BCKDHB: variants seen among roughly 807,000 people sequenced by gnomAD.
BCKDHB encodes branched chain keto acid dehydrogenase E1 subunit beta.
Under a neutral mutation model 48.5 loss-of-function variants are expected in BCKDHB, and 41 were observed. That is an observed-to-expected ratio of 0.85 (90% CI 0.66 to 1.10). The LOEUF (loss-of-function observed/expected upper bound fraction) is 1.10, where lower values mean the gene tolerates loss of function less well. Ranked by LOEUF, BCKDHB falls within the 50% of genes least tolerant of loss-of-function variation. The probability of loss-of-function intolerance (pLI) is 0.00; values close to 1 mark genes in which losing one functional copy is unlikely to be tolerated. For synonymous variants in BCKDHB, 201 were observed against 174.8 expected (o/e 1.15, Z -1.18); for missense variants, 496 against 494.2 (o/e 1.00, Z -0.03).
chr6:80,203,107 T>C lies in BCKDHB; in HGVS notation c.846T>C (p.His282=). 1.2e-6 allele frequency: 2 copies of C among 1,610,132 alleles called. No individual in the cohort carries two copies. The highest frequency in any genetic ancestry group is 2.2e-5 in the East Asian group (1 of 44,812). ...VTLVAWGTQV[H]VIREVASMAK... ...TATTTTTCTCTTTATTTCAGGTTCA[T>C]GTGATCCGAGAGGTAGCTTCCATGG... is the stretch of plus-strand genomic sequence containing the variant. Residue 282 remains histidine, a synonymous_variant, in exon 8 of 10, where the codon CAT becomes CAC. Transcript: ENST00000320393.
At position 80,309,540 on chromosome 6, in the gene BCKDHB, T is replaced by G. The variant is rs561000615; in HGVS notation, c.1039-34124T>G. ...CTTGTGTAATAATGACTTTGTTATT[T>G]TAACAAAAGAGTAAGTATTCATGTA... is the stretch of plus-strand genomic sequence containing the variant. On this transcript the variant is annotated intron_variant, in intron 9 of 9. Transcript: ENST00000320393. Among the ~76,000 whole-genome samples, 3 of 152,346 alleles carry G rather than the reference T, an allele frequency of 2.0e-5. No homozygotes were observed. In the East Asian group the frequency reaches 5.8e-4, roughly 29 times the overall value.
rs1469285323 is a variant in BCKDHB, at chr6:80,110,258, T to C, written c.196+3369T>C. 2.0e-5 allele frequency among the ~76,000 whole-genome samples: 3 copies of C among 152,240 alleles called. No homozygotes were observed. In the East Asian group the frequency reaches 5.8e-4, roughly 29 times the overall value. On this transcript the variant is annotated intron_variant, in intron 1 of 9. Transcript: ENST00000320393. ...TGAGTTTGTTTATTCAGTCATTCTC[T>C]GCATTTTTATTTTCTCCTGGATGCC...
At chr6:80,230,823 C>G (rs1057468285) in intron 8 of BCKDHB, among the ~76,000 whole-genome samples, 1 of 152,148 alleles carries the variant, frequency 6.6e-6, no homozygotes, top group Non-Finnish European at 1.5e-5. Context: ...AGAACCCACT[C>G]GTGATAAAGT....
At chr6:80,415,673 C>T in the BCKDHB span, among the ~76,000 whole-genome samples, 1 of 152,008 alleles carries the variant, frequency 6.6e-6, no homozygotes, top group Non-Finnish European at 1.5e-5. Context: ...TTCGCCAGGC[C>T]AGTATTTGAT....
At chr6:80,243,789 G>A (rs1319810463) in intron 8 of BCKDHB, among the ~76,000 whole-genome samples, 1 of 152,138 alleles carries the variant, frequency 6.6e-6, no homozygotes, top group Non-Finnish European at 1.5e-5. Context: ...TCCTTCTTCA[G>A]CCTCCCAAAG....
the BCKDHB span, among the ~76,000 whole-genome samples, chr6:80,393,552 G>A: frequency 6.6e-6 from 1 of 152,136 alleles, no homozygotes; most frequent in Non-Finnish European, 1.5e-5. Context: ...ATCTTGGACT[G>A]CTCAGCCTCC....
At position 80,168,906 on chromosome 6, in the gene BCKDHB, G is replaced by C. The variant is rs371518124; in HGVS notation, c.509G>C (p.Arg170Pro). The stretch of plus-strand genomic sequence containing the variant: ...AATGAAGCTGCCAAGTATCGCTATC[G>C]CTCTGGGGATCTTTTTAACTGTGGA... Reference protein sequence around the residue: ...IVNEAAKYRYRSGDLFNCGSL... With the variant: ...IVNEAAKYRYPSGDLFNCGSL... Residue 170 changes from arginine (R) to proline (P), a missense_variant, in exon 5 of 10, where the codon CGC (arginine) becomes CCC (proline). Coordinates refer to ENST00000320393, the MANE Select transcript of BCKDHB (RefSeq NM_183050.4). The C allele has an allele frequency of 4.3e-6, 7 of 1,613,930 alleles. No individual in the cohort carries two copies. The Admixed American group carries it at 1.2e-4, about 27-fold the overall frequency.
At chr6:80,231,822 G>A (rs953468858) in intron 8 of BCKDHB, among the ~76,000 whole-genome samples, 14 of 152,030 alleles carry the variant, frequency 9.2e-5, no homozygotes, top group East Asian at 1.9e-4. Flanking sequence ...AAAATTAGCC[G>A]GGCCTGGTGG....
intron 9 of BCKDHB, among the ~76,000 whole-genome samples, chr6:80,321,568 A>C (rs1453570637): frequency 6.6e-6 from 1 of 152,006 alleles, no homozygotes; most frequent in Non-Finnish European, 1.5e-5. Flanking sequence ...TTAAACCTAC[A>C]CCTGTTTATA....
chr6:80,200,033 C>T (rs1774313424), intron 6 of BCKDHB, among the ~76,000 whole-genome samples: 1 of 128,898 alleles, frequency 7.8e-6, no homozygotes, highest in South Asian at 2.4e-4. Flanking sequence ...CACTGCACTC[C>T]AGCCTGGGTG....
chr6:80,419,630 G>C, the BCKDHB span, among the ~76,000 whole-genome samples: 1 of 152,126 alleles, frequency 6.6e-6, no homozygotes, highest in East Asian at 1.9e-4. Context: ...TGTTTAAGCA[G>C]CCTCAACCAC....
the BCKDHB span, among the ~76,000 whole-genome samples, chr6:80,443,759 G>C: frequency 6.6e-6 from 1 of 152,046 alleles, no homozygotes; most frequent in East Asian, 1.9e-4. Context: ...TCCTCCTGCT[G>C]CATACTCCCA....
At chr6:80,121,104 A>G (rs1769991861) in intron 1 of BCKDHB, among the ~76,000 whole-genome samples, 1 of 152,188 alleles carries the variant, frequency 6.6e-6, no homozygotes. Context: ...TCCCAGCACC[A>G]TTTATTAAAT....
intron 9 of BCKDHB, among the ~76,000 whole-genome samples, chr6:80,299,202 C>T (rs1202517779): frequency 6.6e-6 from 1 of 151,986 alleles, no homozygotes; most frequent in African/African-American, 2.4e-5. Flanking sequence ...AGGAGAGACT[C>T]TTAATTCCCC....
chr6:80,422,347 G>A, the BCKDHB span, among the ~76,000 whole-genome samples: 2 of 152,166 alleles, frequency 1.3e-5, no homozygotes, highest in Non-Finnish European at 2.9e-5. Context: ...AGATGTCCAG[G>A]CAGAAGTCTG....
At chr6:80,326,305 C>G (rs1050943007) in intron 9 of BCKDHB, among the ~76,000 whole-genome samples, 1 of 152,028 alleles carries the variant, frequency 6.6e-6, no homozygotes, top group Non-Finnish European at 1.5e-5. Context: ...GAAAGAAGTC[C>G]GGTATTCTTG....
At chr6:80,297,924 G>T (rs945309916) in intron 9 of BCKDHB, among the ~76,000 whole-genome samples, 13 of 152,082 alleles carry the variant, frequency 8.5e-5, no homozygotes, top group Non-Finnish European at 1.9e-4. Flanking sequence ...AATTTTGAGA[G>T]GGATTTATCC....
the BCKDHB span, among the ~76,000 whole-genome samples, chr6:80,427,517 CTT>C: frequency 6.6e-6 from 1 of 152,072 alleles, no homozygotes; most frequent in African/African-American, 2.4e-5. Context: ...TTTTAAAAGA[CTT>C]TACATTTATC....
chr6:80,400,733 T>C, the BCKDHB span, among the ~76,000 whole-genome samples: 355 of 152,104 alleles, frequency 2.3e-3, 2 homozygotes, highest in Non-Finnish European at 4.0e-3. Context: ...CCAAGGAATA[T>C]AAATTTTTCT....
Sources: allele counts gnomAD v4.1 joint callset (sites outside exome capture counted in the v4.1 genomes callset), GRCh38; gene constraint gnomAD v4.1.1; transcripts MANE v1.5; gene names NCBI Gene and HGNC (gene_info 2026-07-23, HGNC 2026-07-21).